The following RBFOX1 variants were observed in gnomAD, a reference collection of about 807,000 sequenced individuals.
RBFOX1 encodes the protein RNA binding fox-1 homolog 1.
In RBFOX1, 8 loss-of-function variants were observed where a neutral mutation model predicts 57.7. The ratio of observed to expected loss-of-function variants is 0.14; its 90% confidence interval spans 0.08 to 0.25. The LOEUF (loss-of-function observed/expected upper bound fraction) is 0.25, where lower values mean the gene tolerates loss of function less well. RBFOX1 is among the 10% of genes least tolerant of loss of function. The pLI is 1.00. For missense variants in RBFOX1, 611 were observed against 548.5 expected (o/e 1.11, Z -1.14); for synonymous variants, 326 against 222.4 (o/e 1.47, Z -4.15).
At chr16:6,985,110 C>G (rs1186078483) in intron 3 of RBFOX1, among the ~76,000 whole-genome samples, 2 of 151,878 alleles carry the variant, frequency 1.3e-5, no homozygotes, top group African/African-American at 4.8e-5. Context: ...CTCCTTCCTT[C>G]CCCTACCCTA....
intron 3 of RBFOX1, among the ~76,000 whole-genome samples, chr16:6,818,842 A>G (rs552901898): frequency 1.3e-5 from 2 of 152,276 alleles, no homozygotes; most frequent in East Asian, 1.9e-4. Context: ...ATATCGCCCA[A>G]CTCAGTCCAA....
intron 4 of RBFOX1, among the ~76,000 whole-genome samples, chr16:7,383,206 C>A (rs938340516): frequency 1.3e-4 from 19 of 151,510 alleles, no homozygotes; most frequent in Non-Finnish European, 2.9e-5. Flanking sequence ...CATGGCATGC[C>A]TGTATCAAAA....
rs542422418 is a variant in RBFOX1 at position 6,671,706 on chromosome 16, C to T, written c.-16+17056C>T. Among the ~76,000 whole-genome samples, 5 of 152,312 alleles carry T rather than the reference C, an allele frequency of 3.3e-5. No homozygotes were observed. The South Asian group carries it at 6.2e-4, about 19-fold the overall frequency. Reference sequence around the variant, plus strand: ...CTTAGCTCCCACTTAGGAGTGAGGACATACGATGTTTGGTTTTCCATTTCT... The same window carrying T: ...CTTAGCTCCCACTTAGGAGTGAGGATATACGATGTTTGGTTTTCCATTTCT... On this transcript the variant is annotated intron_variant, in intron 3 of 15. Transcript: ENST00000550418.
chr16:6,786,715 T>A (rs907842390), intron 3 of RBFOX1, among the ~76,000 whole-genome samples: 3 of 152,130 alleles, frequency 2.0e-5, no homozygotes, highest in Admixed American at 6.5e-5. Context: ...AGCACTACGG[T>A]GCTCCCATCT....
At chr16:7,162,922 G>T (rs1303214064) in intron 4 of RBFOX1, among the ~76,000 whole-genome samples, 1 of 152,110 alleles carries the variant, frequency 6.6e-6, no homozygotes, top group Non-Finnish European at 1.5e-5. Flanking sequence ...AGACATGTGG[G>T]TTTTCTTCCC....
intron 3 of RBFOX1, among the ~76,000 whole-genome samples, chr16:6,735,976 T>C (rs1197185640): frequency 7.1e-3 from 2 of 282 alleles, no homozygotes; most frequent in Non-Finnish European, 0.014. Flanking sequence ...TTTGCTTCCC[T>C]ACTGGGCCTG....
chr16:6,621,111 T>C (rs1485807894), intron 2 of RBFOX1, among the ~76,000 whole-genome samples: 1 of 152,210 alleles, frequency 6.6e-6, no homozygotes, highest in Non-Finnish European at 1.5e-5. Flanking sequence ...TGTTGTCACA[T>C]GGCTGTATTG....
chr16:6,646,346 A>G (rs2098534785), intron 2 of RBFOX1, among the ~76,000 whole-genome samples: 1 of 152,174 alleles, frequency 6.6e-6, no homozygotes, highest in African/African-American at 2.4e-5. Context: ...ATGACAAACT[A>G]ACAATATCAT....
chr16:6,931,340 T>TAC (rs1555640313), intron 3 of RBFOX1, among the ~76,000 whole-genome samples: 2,635 of 106,502 alleles, frequency 0.025, 45 homozygotes, highest in African/African-American at 0.054. Context: ...TATCTATCTC[T>TAC]ACACACACAC....
intron 4 of RBFOX1, among the ~76,000 whole-genome samples, chr16:7,198,374 C>A (rs1167935897): frequency 6.6e-6 from 1 of 152,100 alleles, no homozygotes; most frequent in Non-Finnish European, 1.5e-5. Flanking sequence ...GGTAGTTGTG[C>A]AACATTGTGA....
At chr16:5,523,661 C>T (rs2151017606) in intron 2 of RBFOX1, among the ~76,000 whole-genome samples, 1 of 152,234 alleles carries the variant, frequency 6.6e-6, no homozygotes, top group South Asian at 2.1e-4. Context: ...AAACAAAAAC[C>T]TGATACACTG....
At chr16:7,565,322 C>A (rs1235462941) in intron 5 of RBFOX1, among the ~76,000 whole-genome samples, 1 of 152,144 alleles carries the variant, frequency 6.6e-6, no homozygotes, top group Admixed American at 6.6e-5. Context: ...AATATAGTTA[C>A]ATTTTTGCTT....
At chr16:6,081,428 A>T (rs2096000271) in intron 1 of RBFOX1, among the ~76,000 whole-genome samples, 1 of 152,082 alleles carries the variant, frequency 6.6e-6, no homozygotes, top group Non-Finnish European at 1.5e-5. Flanking sequence ...ACATTTTGAG[A>T]CATTTTTACA....
chr16:7,024,452 T>G (rs902495775), intron 3 of RBFOX1, among the ~76,000 whole-genome samples: 1 of 152,188 alleles, frequency 6.6e-6, no homozygotes. Context: ...CTACCATGAA[T>G]TTATAATCCA....
intron 4 of RBFOX1, among the ~76,000 whole-genome samples, chr16:7,493,864 C>A (rs115882383): frequency 1.3e-3 from 199 of 152,322 alleles, no homozygotes; most frequent in African/African-American, 4.4e-3. Flanking sequence ...ATAAAATCAT[C>A]ATTATCATTG....
At chr16:5,909,376 G>A (rs1433731018) in intron 4 of RBFOX1, among the ~76,000 whole-genome samples, 3 of 152,146 alleles carry the variant, frequency 2.0e-5, no homozygotes, top group Admixed American at 6.5e-5. Context: ...ACAGGCGTGA[G>A]CCACTGTGCC....
chr16:5,532,752 T>C (rs1270326616), intron 2 of RBFOX1, among the ~76,000 whole-genome samples: 2 of 152,216 alleles, frequency 1.3e-5, no homozygotes, highest in African/African-American at 4.8e-5. Flanking sequence ...CCAGGAATCT[T>C]CACTCATCCA....
chr16:5,605,834 G>A (rs1296336867), intron 3 of RBFOX1, among the ~76,000 whole-genome samples: 3 of 152,166 alleles, frequency 2.0e-5, no homozygotes, highest in Non-Finnish European at 2.9e-5. Flanking sequence ...CTCTTGAATG[G>A]TAATGTCTGC....
At chr16:7,241,718 T>C (rs1024667884) in intron 4 of RBFOX1, among the ~76,000 whole-genome samples, 6 of 152,114 alleles carry the variant, frequency 3.9e-5, no homozygotes, top group Non-Finnish European at 1.5e-5. Context: ...AATGGACAAA[T>C]ATATATGCAT....
Sources: gnomAD v4.1 joint callset for allele counts (sites outside exome capture counted in the v4.1 genomes callset) on GRCh38, gnomAD v4.1.1 for gene constraint, MANE v1.5 for transcripts, NCBI Gene and HGNC (gene_info 2026-07-23, HGNC 2026-07-21) for gene names.